Variants in ZNF653 observed in about 807,000 individuals in gnomAD.
The protein encoded by ZNF653 is zinc finger protein 653, also known as 67 kDa zinc finger protein.
ZNF653 carries 37 observed loss-of-function variants against 59.9 expected under a neutral mutation model. That is an observed-to-expected ratio of 0.62 (90% CI 0.48 to 0.81). ZNF653 has a LOEUF of 0.81. Ranked by LOEUF, ZNF653 falls within the 40% of genes least tolerant of loss-of-function variation. The pLI, the probability that ZNF653 is intolerant of heterozygous loss-of-function variation, is 0.00. For missense variants in ZNF653, 808 were observed against 881.1 expected (o/e 0.92, Z 1.05); for synonymous variants, 435 against 371.8 (o/e 1.17, Z -1.96).
rs1389324623 is a variant in ZNF653, at chr19:11,495,912, T to C, written c.559+38A>G. 6.3e-7 allele frequency: 1 copy of C among 1,589,432 alleles called. No homozygotes were observed. Among genetic ancestry groups the C allele is most frequent in the African/African-American group, 1.3e-5 (1 of 74,586 alleles). ...AGGGCTCGTAAGAAGCCCCCAGAAATGGGCGGCCCCCTATGTGCCCTCGCC... is the reference window on the plus strand; with the variant it reads ...AGGGCTCGTAAGAAGCCCCCAGAAACGGGCGGCCCCCTATGTGCCCTCGCC... On this transcript the variant is annotated intron_variant, in intron 3 of 8. Transcript: ENST00000293771. This position sits in a 1 kb window ranked among gnomAD's most constrained non-coding sequence, Gnocchi z 4.9.
chr19:11,484,165 T>C (rs1310981615), intron 7 of ZNF653, 24 bp from the exon 8 acceptor site: 1 of 1,532,728 alleles, frequency 6.5e-7, no homozygotes, highest in Non-Finnish European at 8.8e-7. Flanking sequence ...GGACCGAGGC[T>C]GAGGACGGTG....
Position 11,487,039 on chromosome 19 carries a change from C to T in ZNF653, c.1291G>A (p.Asp431Asn), listed in dbSNP as rs775146652. The change falls in exon 5 of 9, where the codon GAC (aspartate) becomes AAC (asparagine). Residue 431 changes from aspartate to asparagine, a missense_variant. Asp to Asn is a conservative substitution (Grantham distance 23, BLOSUM62 1). Coordinates refer to ENST00000293771, the MANE Select transcript of ZNF653 (RefSeq NM_138783.4). The surrounding 1 kb of genome is among the most constrained non-coding windows in gnomAD (Gnocchi z 5.1). ...PEAEADGEELDGSDMSAIIYE... is the reference protein window; with the variant it reads ...PEAEADGEELNGSDMSAIIYE... Reference sequence around the variant, plus strand: ...ATGATGGCTGACATGTCGCTGCCGTCCAGCTCCTCCCCGTCCGCCTCTGCC... The same window carrying T: ...ATGATGGCTGACATGTCGCTGCCGTTCAGCTCCTCCCCGTCCGCCTCTGCC... 2 of 1,614,062 alleles carry T rather than the reference C, an allele frequency of 1.2e-6. No individual in the cohort carries two copies. Among genetic ancestry groups the T allele is most frequent in the Non-Finnish European group, 1.7e-6 (2 of 1,180,032 alleles).
rs542909718 is a variant in ZNF653, at chr19:11,496,077, C to T, written c.432G>A (p.Ala144=). 3.3e-5 allele frequency: 54 copies of T among 1,614,168 alleles called. No homozygotes were observed. The highest frequency in any genetic ancestry group is 2.5e-4 in the South Asian group (23 of 91,084). ...KHRCPYEPHL[A]ELDPTFGLYT... Reference sequence around the variant, plus strand: ...ACAGGCCAAAAGTGGGGTCTAGCTCCGCCAGGTGCGGCTCGTACGGGCAGC... The same window carrying T: ...ACAGGCCAAAAGTGGGGTCTAGCTCTGCCAGGTGCGGCTCGTACGGGCAGC... The change falls in exon 3 of 9, where the codon GCG becomes GCA. Residue 144 remains alanine (A), a synonymous_variant. Coordinates refer to ENST00000293771, the MANE Select transcript of ZNF653 (RefSeq NM_138783.4).
At position 11,498,275 on chromosome 19, in the gene ZNF653, C is replaced by G. The variant is rs772180195; in HGVS notation, c.343+21G>C. ...CCGCTCCCAACTCTCCCCACCTCCC[C>G]CAGGCTGAGCCTCCACTTACTTTTC... On this transcript the variant is annotated intron_variant, in intron 2 of 8. Coordinates refer to ENST00000293771, the MANE Select transcript of ZNF653 (RefSeq NM_138783.4). The G allele has an allele frequency of 1.9e-6, 3 of 1,613,900 alleles. No individual in the cohort carries two copies. The South Asian group carries it at 3.3e-5, about 18-fold the overall frequency.
intron 1 of ZNF653, chr19:11,504,427 G>T (rs1428492709): frequency 1.6e-5 from 11 of 686,936 alleles, no homozygotes; most frequent in Admixed American, 6.3e-5. Flanking sequence ...AAAGAAAAAC[G>T]AACAAAAAAA....
intron 2 of ZNF653, among the ~76,000 whole-genome samples, chr19:11,497,316 G>A (rs759391486): frequency 6.6e-6 from 1 of 152,216 alleles, no homozygotes; most frequent in African/African-American, 2.4e-5. Context: ...GTTCATAGCA[G>A]GTGCTCCAGG....
chr19:11,488,226 T>C (rs578222834), intron 3 of ZNF653, among the ~76,000 whole-genome samples: 25 of 151,548 alleles, frequency 1.6e-4, no homozygotes, highest in African/African-American at 6.1e-4. Flanking sequence ...CTCTGCTCAC[T>C]ACAAGCTCTG....
intron 3 of ZNF653, among the ~76,000 whole-genome samples, chr19:11,489,580 A>G (rs889834102): frequency 5.9e-5 from 9 of 151,402 alleles, no homozygotes; most frequent in African/African-American, 2.2e-4. Flanking sequence ...TGATCCTCCC[A>G]CCTCAGCCTC....
Position 11,495,188 on chromosome 19 carries a change from G to C in ZNF653, c.559+762C>G, listed in dbSNP as rs1416128825. 3.3e-5 allele frequency among the ~76,000 whole-genome samples: 5 copies of C among 152,100 alleles called. No individual in the cohort carries two copies. Among genetic ancestry groups the C allele is most frequent in the Non-Finnish European group, 5.9e-5 (4 of 68,006 alleles). The stretch of plus-strand genomic sequence containing the variant: ...CTACGCTCCTTCTCCAGCCATTGCC[G>C]AACCCCTGAGGCTGCCGGCAGCCCC... On this transcript the variant is annotated intron_variant, in intron 3 of 8. Coordinates refer to ENST00000293771, the MANE Select transcript of ZNF653 (RefSeq NM_138783.4). This position sits in a 1 kb window ranked among gnomAD's most constrained non-coding sequence, Gnocchi z 4.9.
At chr19:11,492,841 G>A (rs140680176) in intron 3 of ZNF653, among the ~76,000 whole-genome samples, 1 of 152,194 alleles carries the variant, frequency 6.6e-6, no homozygotes, top group African/African-American at 2.4e-5. Flanking sequence ...TGCCTCCCGG[G>A]TTCAAGTGAT....
intron 3 of ZNF653, among the ~76,000 whole-genome samples, chr19:11,490,015 C>T (rs969776579): frequency 3.9e-5 from 6 of 152,140 alleles, no homozygotes; most frequent in East Asian, 1.9e-4. Context: ...CCGGAGTGGG[C>T]GTCAAATCCT....
chr19:11,502,891 G>C (rs1470557424), intron 1 of ZNF653, among the ~76,000 whole-genome samples: 1 of 151,808 alleles, frequency 6.6e-6, no homozygotes, highest in Non-Finnish European at 1.5e-5. Context: ...AAAATTAGCC[G>C]GGCATGGGGG....
At chr19:11,484,276 C>T (rs1374285323) in intron 7 of ZNF653, 135 bp from the exon 8 acceptor site, 1 of 698,812 alleles carries the variant, frequency 1.4e-6, no homozygotes, top group South Asian at 1.7e-5. Flanking sequence ...GCCGACCAAA[C>T]CCTACGTCCT....
chr19:11,488,022 C>G (rs1194571647), intron 3 of ZNF653, 119 bp from the exon 4 acceptor site: 2 of 938,258 alleles, frequency 2.1e-6, no homozygotes, highest in Non-Finnish European at 2.6e-6. Flanking sequence ...GAGTCTCACT[C>G]TGTCACCCAG....
chr19:11,504,689 G>T, intron 1 of ZNF653: 1 of 436,130 alleles, frequency 2.3e-6, no homozygotes. Context: ...TTGCGGCACT[G>T]CTTGTGATAC....
At chr19:11,493,326 G>A (rs311802) in intron 3 of ZNF653, among the ~76,000 whole-genome samples, 7,413 of 152,202 alleles carry the variant, frequency 0.049, 296 homozygotes, top group African/African-American at 0.11. Flanking sequence ...CCAAAGTGCT[G>A]GGATTACAGG....
At chr19:11,497,174 T>TAC (rs1045783497) in intron 2 of ZNF653, among the ~76,000 whole-genome samples, 28 of 152,360 alleles carry the variant, frequency 1.8e-4, no homozygotes, top group African/African-American at 6.5e-4. Flanking sequence ...CTCCAGGTAG[T>TAC]ACCTAGATGC....
rs1971579727 is a variant in ZNF653, at chr19:11,495,730, A to G, written c.559+220T>C. 1 of 563,222 alleles carries G rather than the reference A, an allele frequency of 1.8e-6. No individual in the cohort carries two copies. Among genetic ancestry groups the G allele is most frequent in the Non-Finnish European group, 3.2e-6 (1 of 314,526 alleles). 34.9% of individuals were successfully genotyped at this position (563,222 alleles called of 1,614,324 possible). Reference sequence around the variant, plus strand: ...TGGGCACAGATTGGCAAACTGCTCCATAAAGAGGGACTGCCTCCCCACTCA... The same window carrying G: ...TGGGCACAGATTGGCAAACTGCTCCGTAAAGAGGGACTGCCTCCCCACTCA... On this transcript the variant is annotated intron_variant, in intron 3 of 8. Transcript: ENST00000293771. The surrounding 1 kb of genome is among the most constrained non-coding windows in gnomAD (Gnocchi z 4.9).
intron 3 of ZNF653, among the ~76,000 whole-genome samples, chr19:11,489,109 A>C (rs1036323305): frequency 1.3e-5 from 2 of 151,534 alleles, no homozygotes; most frequent in African/African-American, 2.4e-5. Context: ...CATGTTGGCC[A>C]GGCTAGCCTC....
Sources: allele counts gnomAD v4.1 joint callset (sites outside exome capture counted in the v4.1 genomes callset), GRCh38; gene constraint gnomAD v4.1.1; non-coding constraint Gnocchi (gnomAD v3.1); transcripts MANE v1.5; gene names NCBI Gene and HGNC (gene_info 2026-07-23, HGNC 2026-07-21).